Variants in PGM5 observed in about 807,000 individuals in gnomAD.
PGM5 encodes the protein phosphoglucomutase-like protein 5.
In PGM5, 23 loss-of-function variants were observed where a neutral mutation model predicts 59.2. The observed-to-expected ratio is 0.39, with a 90% CI of 0.28 to 0.55. The LOEUF (loss-of-function observed/expected upper bound fraction) is 0.55, where lower values mean the gene tolerates loss of function less well. PGM5 is among the 20% of genes least tolerant of loss of function. The pLI, the probability that PGM5 is intolerant of heterozygous loss-of-function variation, is 0.66. For synonymous variants in PGM5, 214 were observed against 286.0 expected, an observed-to-expected ratio of 0.75 and a Z score of 2.54; for missense variants, 574 against 748.3, an observed-to-expected ratio of 0.77 and a Z score of 2.72.
chr9:68,456,667 C>T (rs1456867521), intron 6 of PGM5, among the ~76,000 whole-genome samples: 9 of 148,462 alleles, frequency 6.1e-5, no homozygotes, highest in African/African-American at 2.0e-4. Flanking sequence ...CTCTGTCACC[C>T]AGGCTGGAGT....
chr9:68,519,576 G>T (rs930597213), intron 10 of PGM5, among the ~76,000 whole-genome samples: 1 of 150,850 alleles, frequency 6.6e-6, no homozygotes, highest in Non-Finnish European at 1.5e-5. Flanking sequence ...AAAACAGCTA[G>T]GTCAATTTCA....
intron 6 of PGM5, among the ~76,000 whole-genome samples, chr9:68,445,246 C>A (rs1462932658): frequency 6.6e-6 from 1 of 152,020 alleles, no homozygotes; most frequent in Non-Finnish European, 1.5e-5. Flanking sequence ...GATTTCAGGG[C>A]CCCATCCCCA....
rs543263357 is a variant in PGM5, at chr9:68,422,427, GGTTTTTTGTTTTGTTTT to G, written c.1043+29984_1043+30000del. Among the ~76,000 whole-genome samples the G allele has an allele frequency of 2.7e-4, 41 of 151,806 alleles. No individual in the cohort carries two copies. In the South Asian group the frequency reaches 5.4e-3, roughly 20 times the overall value. ...CCTCAAGAGTCACTCCTTGTGTGGT[GGTTTTTTGTTTTGTTTT>G]GTTTTTTGTTTTGTTTTGTTTTTTG... On this transcript the variant is annotated intron_variant, in intron 6 of 10. Coordinates refer to ENST00000396396, the MANE Select transcript of PGM5 (RefSeq NM_021965.4).
intron 6 of PGM5, among the ~76,000 whole-genome samples, chr9:68,409,805 G>C (rs1199726710): frequency 1.4e-5 from 2 of 145,526 alleles, no homozygotes; most frequent in East Asian, 2.0e-4. Flanking sequence ...CAGCCCACCA[G>C]CATGGCACAT....
intron 6 of PGM5, among the ~76,000 whole-genome samples, chr9:68,406,674 A>AATT (rs1822818963): frequency 3.7e-4 from 2 of 5,464 alleles, no homozygotes; most frequent in African/African-American, 1.6e-3. Flanking sequence ...ATATATATAT[A>AATT]TATGTATATA....
At chr9:68,455,064 C>A (rs1271584115) in intron 6 of PGM5, among the ~76,000 whole-genome samples, 1 of 152,292 alleles carries the variant, frequency 6.6e-6, no homozygotes, top group East Asian at 1.9e-4. Flanking sequence ...GCCTGTGCAT[C>A]CCTTGATATA....
intron 10 of PGM5, among the ~76,000 whole-genome samples, chr9:68,512,100 G>C (rs1824759116): frequency 6.6e-6 from 1 of 152,172 alleles, no homozygotes; most frequent in South Asian, 2.1e-4. Flanking sequence ...AGTGAGTAGG[G>C]GTTGTTCAAT....
rs537707875 is a variant in PGM5, at chr9:68,475,036, G to A, written c.1160-4382G>A. On this transcript the variant is annotated intron_variant, in intron 7 of 10. Transcript: ENST00000396396. ...TTTTATTTATTGTTTTTTTTGAGACGGAGTTTCACTCTTCTTGCCCAGGCT... is the reference window on the plus strand; with the variant it reads ...TTTTATTTATTGTTTTTTTTGAGACAGAGTTTCACTCTTCTTGCCCAGGCT... Among the ~76,000 whole-genome samples the A allele has an allele frequency of 1.3e-4, 19 of 150,618 alleles. No homozygotes were observed. In the South Asian group the frequency reaches 2.3e-3, roughly 19 times the overall value.
At chr9:68,423,543 G>T (rs11142334) in intron 6 of PGM5, among the ~76,000 whole-genome samples, 70,848 of 151,506 alleles carry the variant, frequency 0.47, 17,437 homozygotes, top group South Asian at 0.56. Flanking sequence ...GTTGAGAATG[G>T]CATGCAGAGC....
chr9:68,498,020 GC>G, intron 9 of PGM5: 1 of 152,322 alleles, frequency 6.6e-6, no homozygotes, highest in South Asian at 2.1e-4. Flanking sequence ...TGGTGGTCAG[GC>G]CAAAAAAGAA....
intron 6 of PGM5, among the ~76,000 whole-genome samples, chr9:68,407,579 A>G (rs1412104610): frequency 6.6e-6 from 1 of 152,214 alleles, no homozygotes; most frequent in Non-Finnish European, 1.5e-5. Flanking sequence ...CTGGGAAAAT[A>G]CAGAGTTTCT....
At chr9:68,446,308 A>C (rs1202847062) in intron 6 of PGM5, among the ~76,000 whole-genome samples, 1 of 152,276 alleles carries the variant, frequency 6.6e-6, no homozygotes, top group African/African-American at 2.4e-5. Flanking sequence ...AACTATGCAT[A>C]TTATATGGTT....
chr9:68,364,569 C>G (rs1167095318), intron 1 of PGM5, among the ~76,000 whole-genome samples: 1 of 152,162 alleles, frequency 6.6e-6, no homozygotes, highest in Non-Finnish European at 1.5e-5. Flanking sequence ...TTAGGGAGGA[C>G]AGGTTTGTGA....
intron 10 of PGM5, among the ~76,000 whole-genome samples, chr9:68,528,880 G>A (rs999250422): frequency 4.6e-5 from 7 of 152,170 alleles, no homozygotes; most frequent in South Asian, 2.1e-4. Context: ...TCCACACCTC[G>A]GAAAACAATG....
At chr9:68,498,424 T>C (rs1407126327) in intron 9 of PGM5, 2 of 151,646 alleles carry the variant, frequency 1.3e-5, no homozygotes, top group African/African-American at 4.8e-5. Context: ...TGTCATCTTA[T>C]GTTAAAAAAA....
At chr9:68,436,389 G>A (rs1336324804) in intron 6 of PGM5, among the ~76,000 whole-genome samples, 1 of 152,228 alleles carries the variant, frequency 6.6e-6, no homozygotes, top group African/African-American at 2.4e-5. Context: ...AGGTCAAGAT[G>A]ATCGTGGAAG....
intron 10 of PGM5, among the ~76,000 whole-genome samples, chr9:68,508,374 C>T (rs1021021731): frequency 6.6e-6 from 1 of 152,192 alleles, no homozygotes; most frequent in East Asian, 1.9e-4. Context: ...TATATTTCTC[C>T]TTTCTACTTT....
At chr9:68,367,530 G>T (rs1396561325) in intron 1 of PGM5, among the ~76,000 whole-genome samples, 1 of 152,178 alleles carries the variant, frequency 6.6e-6, no homozygotes, top group African/African-American at 2.4e-5. Context: ...TTGTTCAGGG[G>T]GCCTGTTCCT....
Position 68,391,694 on chromosome 9 carries a change from T to C in PGM5, c.858T>C (p.Tyr286=). 2 of 1,613,054 alleles carry C rather than the reference T, an allele frequency of 1.2e-6. No homozygotes were observed. The highest frequency in any genetic ancestry group is 8.5e-7 in the Non-Finnish European group (1 of 1,179,314). The part of the protein sequence containing the change: ...TLLEAMKGGE[Y]GFGAAFDADG... ...TGGAAGCAATGAAAGGAGGAGAATA[T>C]GGATTTGGAGCTGCATTTGATGCTG... The change falls in exon 5 of 11, where the codon TAT becomes TAC. Residue 286 remains tyrosine, a synonymous_variant. Transcript: ENST00000396396.
Sources: gnomAD v4.1 joint callset for allele counts (sites outside exome capture counted in the v4.1 genomes callset) on GRCh38, gnomAD v4.1.1 for gene constraint, MANE v1.5 for transcripts, NCBI Gene and HGNC (gene_info 2026-07-23, HGNC 2026-07-21) for gene names.